The following PCDH7 variants were observed in gnomAD, a reference collection of about 807,000 sequenced individuals.
PCDH7 encodes protocadherin-7.
PCDH7 carries 17 observed loss-of-function variants against 58.9 expected under a neutral mutation model. The ratio of observed to expected loss-of-function variants is 0.29; its 90% CI spans 0.20 to 0.43. The LOEUF (loss-of-function observed/expected upper bound fraction) is 0.43. PCDH7 is among the 20% of genes least tolerant of loss of function. The pLI is 1.00. For synonymous variants in PCDH7, 664 were observed against 616.4 expected (o/e 1.08, Z -1.14); for missense variants, 1,274 against 1,441.0 (o/e 0.88, Z 1.88).
intron 3 of PCDH7, among the ~76,000 whole-genome samples, chr4:31,105,331 T>C (rs1475501774): frequency 6.6e-6 from 1 of 152,134 alleles, no homozygotes; most frequent in African/African-American, 2.4e-5. Context: ...CTATTTAACA[T>C]AATGCATGTG....
chr4:30,820,887 AT>A (rs1728288683), intron 1 of PCDH7, among the ~76,000 whole-genome samples: 2 of 152,070 alleles, frequency 1.3e-5, no homozygotes, highest in African/African-American at 4.8e-5. Context: ...TTGTTATTGC[AT>A]TTTGCATGGT....
Position 30,721,993 on chromosome 4 carries a change from AGCG to A in PCDH7, c.578_580del (p.Gly193del). On this transcript the variant is annotated inframe_deletion, in exon 1 of 2. Coordinates refer to ENST00000361762, the Ensembl canonical transcript of PCDH7. The surrounding 1 kb of genome is among the most constrained non-coding windows in gnomAD (Gnocchi z 6.7). The stretch of plus-strand genomic sequence containing the variant: ...GCTCCAGGAGCCCGGAGGCGGCGGC[AGCG>A]GCGGCGAGAGCCGGCGCGCCGGGGC... 1.5e-6 allele frequency: 2 copies of A among 1,294,254 alleles called. No homozygotes were observed. Among genetic ancestry groups the A allele is most frequent in the Non-Finnish European group, 2.0e-6 (2 of 1,023,266 alleles). 80.2% of individuals were successfully genotyped at this position (1,294,254 alleles called of 1,614,324 possible).
chr4:30,894,506 TATATATATATACACACACAC>T (rs1393539294), intron 1 of PCDH7, among the ~76,000 whole-genome samples: 2 of 50,334 alleles, frequency 4.0e-5, no homozygotes, highest in African/African-American at 2.3e-4. Context: ...TATATATATA[TATATATATATACACACACAC>T]ACACACACAC....
At chr4:31,001,436 C>T (rs552836030) in intron 3 of PCDH7, among the ~76,000 whole-genome samples, 2 of 152,150 alleles carry the variant, frequency 1.3e-5, no homozygotes, top group African/African-American at 4.8e-5. Flanking sequence ...AAATTGCACT[C>T]ATGTATCTGA....
chr4:30,936,446 A>C (rs1046384557), intron 2 of PCDH7, among the ~76,000 whole-genome samples: 1 of 152,110 alleles, frequency 6.6e-6, no homozygotes, highest in Admixed American at 6.6e-5. Flanking sequence ...TATTTTAAAA[A>C]CTAATTTAAG....
At chr4:31,005,385 T>A (rs1339627286) in intron 3 of PCDH7, among the ~76,000 whole-genome samples, 1 of 152,156 alleles carries the variant, frequency 6.6e-6, no homozygotes, top group Non-Finnish European at 1.5e-5. Flanking sequence ...GTGGTAGCTG[T>A]CTGCTGGTGA....
Position 30,812,591 on chromosome 4 carries a change from T to A in PCDH7, c.70+87995T>A, listed in dbSNP as rs568889031. Among the ~76,000 whole-genome samples, 5 of 152,280 alleles carry A rather than the reference T, an allele frequency of 3.3e-5. No homozygotes were observed. In the South Asian group the frequency reaches 1.0e-3, roughly 32 times the overall value. On this transcript the variant is annotated intron_variant, in intron 1 of 3. Transcript: ENST00000509759. ...ATTCTGTTAAGCTATTTTCAAAATA[T>A]GAGAGCATAAATCAAAACTTTAATC...
intron 1 of PCDH7, among the ~76,000 whole-genome samples, chr4:30,754,432 A>C (rs999365726): frequency 6.6e-6 from 1 of 152,174 alleles, no homozygotes; most frequent in African/African-American, 2.4e-5. Context: ...AATTTATTTT[A>C]GATTGTTTAG....
At chr4:31,083,095 A>T (rs906319521) in intron 3 of PCDH7, among the ~76,000 whole-genome samples, 3 of 152,042 alleles carry the variant, frequency 2.0e-5, no homozygotes, top group Non-Finnish European at 4.4e-5. Flanking sequence ...GCGACAGAGC[A>T]AGACTCCATC....
In PCDH7 at chr4:30,721,113, C is replaced by T. The variant is rs1257778121; in HGVS notation, c.-310C>T. On this transcript the variant is annotated 5_prime_UTR_variant, in exon 1 of 2. Coordinates refer to ENST00000361762, the Ensembl canonical transcript of PCDH7. This position sits in a 1 kb window ranked among gnomAD's most constrained non-coding sequence, Gnocchi z 6.7. ...GCGCCGAACCCGCGGCGCGCAGTGT[C>T]CCGTGAACTGTGAGTACTGCGACTG... 3 of 380,146 alleles carry T rather than the reference C, an allele frequency of 7.9e-6. No homozygotes were observed. The highest frequency in any genetic ancestry group is 2.1e-5 in the African/African-American group (1 of 47,420). The allele number at this position is 380,146 out of a possible 1,614,324, so 23.5% of individuals were successfully genotyped here.
chr4:30,733,731 T>G (rs1715849437), downstream of PCDH7, among the ~76,000 whole-genome samples: 1 of 152,044 alleles, frequency 6.6e-6, no homozygotes, highest in African/African-American at 2.4e-5. Context: ...AATGAACAGG[T>G]TTTTCACGAC....
chr4:30,761,809 A>T (rs574271042), intron 1 of PCDH7, among the ~76,000 whole-genome samples: 61 of 152,346 alleles, frequency 4.0e-4, no homozygotes, highest in African/African-American at 1.4e-3. Context: ...TACAACAGTA[A>T]TATGAATTAG....
At chr4:31,130,115 G>T (rs1464022608) in intron 3 of PCDH7, among the ~76,000 whole-genome samples, 1 of 152,026 alleles carries the variant, frequency 6.6e-6, no homozygotes, top group East Asian at 1.9e-4. Flanking sequence ...TAGATGTTAC[G>T]TCAAATTCTC....
At chr4:30,955,062 G>A (rs1578405406) in intron 3 of PCDH7, among the ~76,000 whole-genome samples, 2 of 151,956 alleles carry the variant, frequency 1.3e-5, no homozygotes, top group African/African-American at 4.8e-5. Context: ...TTCTGAGAAT[G>A]CTTCTCATTC....
At chr4:30,973,748 A>G (rs1286084639) in intron 3 of PCDH7, among the ~76,000 whole-genome samples, 2 of 152,004 alleles carry the variant, frequency 1.3e-5, no homozygotes, top group Admixed American at 1.3e-4. Context: ...ACTGTATCCA[A>G]TATGTGCTTG....
At chr4:30,970,116 C>T (rs1749422780) in intron 3 of PCDH7, among the ~76,000 whole-genome samples, 1 of 152,144 alleles carries the variant, frequency 6.6e-6, no homozygotes, top group Non-Finnish European at 1.5e-5. Context: ...GTGCATACTG[C>T]TGCTTCATGT....
intron 3 of PCDH7, among the ~76,000 whole-genome samples, chr4:31,117,762 A>G (rs758252694): frequency 3.3e-5 from 5 of 152,182 alleles, no homozygotes; most frequent in Non-Finnish European, 5.9e-5. Flanking sequence ...CTGTCATCCA[A>G]TACTGAGTAA....
intron 1 of PCDH7, among the ~76,000 whole-genome samples, chr4:30,811,917 A>C (rs746164341): frequency 6.6e-6 from 1 of 152,188 alleles, no homozygotes; most frequent in Non-Finnish European, 1.5e-5. Flanking sequence ...TTTTTTAGCC[A>C]GAAAGGTTAA....
intron 3 of PCDH7, among the ~76,000 whole-genome samples, chr4:31,078,830 G>A (rs1434075757): frequency 6.6e-6 from 1 of 151,904 alleles, no homozygotes; most frequent in East Asian, 1.9e-4. Flanking sequence ...TAAAGACACA[G>A]TGGTTAAGAG....
Sources: allele counts gnomAD v4.1 joint callset (sites outside exome capture counted in the v4.1 genomes callset), GRCh38; gene constraint gnomAD v4.1.1; non-coding constraint Gnocchi (gnomAD v3.1); transcripts MANE v1.5; gene names NCBI Gene and HGNC (gene_info 2026-07-23, HGNC 2026-07-21).